Variants in GLMN observed in about 807,000 individuals in gnomAD.
GLMN encodes glomulin.
GLMN carries 75 observed loss-of-function variants against 87.8 expected under a neutral mutation model. The ratio of observed to expected loss-of-function variants is 0.85; its 90% CI spans 0.71 to 1.04. The LOEUF (loss-of-function observed/expected upper bound fraction) is 1.04, where lower values mean the gene tolerates loss of function less well. GLMN is among the 50% of genes least tolerant of loss of function. The probability of loss-of-function intolerance (pLI) is 0.00; values close to 1 mark genes in which losing one functional copy is unlikely to be tolerated. For missense variants in GLMN, 588 were observed against 658.8 expected (o/e 0.89, Z 1.18); for synonymous variants, 206 against 221.6 (o/e 0.93, Z 0.63).
intron 3 of GLMN, among the ~76,000 whole-genome samples, chr1:92,293,369 G>A (rs999445010): frequency 6.6e-5 from 10 of 152,058 alleles, no homozygotes; most frequent in South Asian, 2.1e-4. Flanking sequence ...GTATTGTCGC[G>A]ATCTCAGCTC....
chr1:92,327,584 T>C, the GLMN span, among the ~76,000 whole-genome samples: 1 of 152,234 alleles, frequency 6.6e-6, no homozygotes, highest in Non-Finnish European at 1.5e-5. Flanking sequence ...AGCAGATACT[T>C]GGTTGGTGAA....
the GLMN span, among the ~76,000 whole-genome samples, chr1:92,325,999 G>A: frequency 1.5e-4 from 22 of 151,604 alleles, no homozygotes; most frequent in East Asian, 1.9e-4. Flanking sequence ...GAACTTTCTC[G>A]TATTTATCTC....
At chr1:92,367,251 C>G in the GLMN span, among the ~76,000 whole-genome samples, 1 of 152,184 alleles carries the variant, frequency 6.6e-6, no homozygotes, top group Non-Finnish European at 1.5e-5. Flanking sequence ...AACCGTATAG[C>G]CTCCTAAAAT....
chr1:92,325,242 TC>T, the GLMN span, among the ~76,000 whole-genome samples: 27 of 152,178 alleles, frequency 1.8e-4, no homozygotes, highest in Non-Finnish European at 2.9e-5. Context: ...AAAACTTTGT[TC>T]TCAAATATTC....
the GLMN span, among the ~76,000 whole-genome samples, chr1:92,337,209 T>C: frequency 1.3e-5 from 2 of 152,084 alleles, no homozygotes; most frequent in Non-Finnish European, 2.9e-5. Flanking sequence ...TATATATTTA[T>C]TATTATAGTC....
At chr1:92,359,167 C>T in the GLMN span, among the ~76,000 whole-genome samples, 4 of 152,338 alleles carry the variant, frequency 2.6e-5, no homozygotes, top group South Asian at 8.3e-4. Flanking sequence ...AGAAACACTA[C>T]AGCTCTAGAA....
At position 92,264,632 on chromosome 1, in the gene GLMN, TA is replaced by T; in HGVS notation, c.1220del (p.Leu407TyrfsTer2). 1 of 1,559,814 alleles carries T rather than the reference TA, an allele frequency of 6.4e-7. No homozygotes were observed. Among genetic ancestry groups the T allele is most frequent in the Non-Finnish European group, 8.8e-7 (1 of 1,130,700 alleles). ...CACCTGAGTGATTACTTGTATTCAATAAGCACCTTGAAAGCAAAATTACAAT... is the reference window on the plus strand; with the variant it reads ...CACCTGAGTGATTACTTGTATTCAATAGCACCTTGAAAGCAAAATTACAAT... ...SQGKYTLFRC[L>X]LNTSNHSGVE... On this transcript the variant is annotated frameshift_variant, in exon 14 of 19. Transcript: ENST00000370360. LOFTEE classifies it high-confidence loss of function.
rs766391450 is a variant in GLMN at position 92,291,450 on chromosome 1, C to T, written c.253G>A (p.Val85Ile). Residue 85 changes from valine (V) to isoleucine (I), a missense_variant, in exon 4 of 19, where the codon GTT becomes ATT. Transcript: ENST00000370360. ...AATAAATCAAAGATCAAAAAATAAACTTTTCTTTTACTATCCTCTTTATCT... is the reference window on the plus strand; with the variant it reads ...AATAAATCAAAGATCAAAAAATAAATTTTTCTTTTACTATCCTCTTTATCT... ...CKDKEDSKRK[V>I]YFLIFDLLVK... 1.5e-5 allele frequency: 24 copies of T among 1,594,822 alleles called. No homozygotes were observed. The East Asian group carries it at 1.8e-4, about 12-fold the overall frequency.
the GLMN span, among the ~76,000 whole-genome samples, chr1:92,367,042 G>A: frequency 5.3e-5 from 8 of 152,284 alleles, no homozygotes; most frequent in Admixed American, 5.2e-4. Context: ...AAATATTGGG[G>A]CTTGATAGAT....
At chr1:92,334,291 T>G in the GLMN span, among the ~76,000 whole-genome samples, 14 of 152,280 alleles carry the variant, frequency 9.2e-5, no homozygotes, top group African/African-American at 3.4e-4. Flanking sequence ...AGCTGTTGGG[T>G]TTTTTTCTCA....
chr1:92,273,312 C>T (rs1656442451), intron 7 of GLMN, among the ~76,000 whole-genome samples: 1 of 152,146 alleles, frequency 6.6e-6, no homozygotes, highest in East Asian at 1.9e-4. Flanking sequence ...TTTTCAAAGC[C>T]ATGCATTCTG....
chr1:92,278,586 G>C (rs1647583240), intron 7 of GLMN, among the ~76,000 whole-genome samples: 1 of 152,040 alleles, frequency 6.6e-6, no homozygotes, highest in Non-Finnish European at 1.5e-5. Context: ...CCCTTCAAAA[G>C]ACTACTGTAT....
chr1:92,250,410 C>G (rs1653307867), intron 16 of GLMN, among the ~76,000 whole-genome samples: 1 of 152,066 alleles, frequency 6.6e-6, no homozygotes, highest in Admixed American at 6.6e-5. Context: ...TGTGTTGTAG[C>G]TCTAATTTTA....
chr1:92,321,019 G>C, the GLMN span, among the ~76,000 whole-genome samples: 1 of 152,132 alleles, frequency 6.6e-6, no homozygotes, highest in East Asian at 1.9e-4. Context: ...TTAATTATTT[G>C]AAAGAGCATC....
chr1:92,248,973 T>C (rs1403363896), intron 16 of GLMN, among the ~76,000 whole-genome samples: 1 of 152,172 alleles, frequency 6.6e-6, no homozygotes, highest in Non-Finnish European at 1.5e-5. Context: ...ATGTATGTTA[T>C]GATTCTACTG....
At chr1:92,260,304 T>C (rs1292816286) in intron 16 of GLMN, among the ~76,000 whole-genome samples, 1 of 152,136 alleles carries the variant, frequency 6.6e-6, no homozygotes, top group Non-Finnish European at 1.5e-5. Context: ...AGAAAAATTA[T>C]TAAAAACCAT....
chr1:92,331,650 T>C, the GLMN span, among the ~76,000 whole-genome samples: 797 of 152,312 alleles, frequency 5.2e-3, 2 homozygotes, highest in Non-Finnish European at 8.8e-3. Context: ...TGTTATTGGA[T>C]ATTTTTATTT....
intron 3 of GLMN, among the ~76,000 whole-genome samples, chr1:92,294,192 A>G (rs371781784): frequency 1.3e-5 from 2 of 152,142 alleles, no homozygotes; most frequent in African/African-American, 4.8e-5. Flanking sequence ...TTGCATGTCT[A>G]TATCAAAACA....
chr1:92,286,313 A>C (rs554085144), intron 7 of GLMN, among the ~76,000 whole-genome samples, 177 bp downstream of exon 7: 2 of 151,432 alleles, frequency 1.3e-5, no homozygotes, highest in South Asian at 4.1e-4. Flanking sequence ...GGAGGATGTT[A>C]ATATTTATCT....
Sources: allele counts gnomAD v4.1 joint callset (sites outside exome capture counted in the v4.1 genomes callset), GRCh38; gene constraint gnomAD v4.1.1; transcripts MANE v1.5; gene names NCBI Gene and HGNC (gene_info 2026-07-23, HGNC 2026-07-21).